Variants in FBXL17 observed in about 807,000 individuals in gnomAD.
The protein encoded by FBXL17 is F-box/LRR-repeat protein 17.
A neutral mutation model predicts 66.2 loss-of-function variants in FBXL17; 22 were observed. The observed-to-expected ratio is 0.33, with a 90% CI of 0.24 to 0.47. The LOEUF (loss-of-function observed/expected upper bound fraction) is 0.47, where lower values mean the gene tolerates loss of function less well. Ranked by LOEUF, FBXL17 falls within the 20% of genes least tolerant of loss-of-function variation. The pLI is 1.00. For synonymous variants in FBXL17, 474 were observed against 400.5 expected, an observed-to-expected ratio of 1.18 and a Z score of -2.19; for missense variants, 878 against 948.2, an observed-to-expected ratio of 0.93 and a Z score of 0.97.
At chr5:108,183,001 A>C (rs990792144) in intron 6 of FBXL17, among the ~76,000 whole-genome samples, 1 of 151,564 alleles carries the variant, frequency 6.6e-6, no homozygotes, top group African/African-American at 2.4e-5. Flanking sequence ...ATTGTTGTGG[A>C]ATATAATCAC....
chr5:108,281,812 CACA>C (rs1757712848), intron 4 of FBXL17, among the ~76,000 whole-genome samples: 1 of 151,402 alleles, frequency 6.6e-6, no homozygotes, highest in Non-Finnish European at 1.5e-5. Context: ...AGAAAGAAGA[CACA>C]ACATCAGAAA....
At chr5:108,315,118 AGAC>A (rs1461158025) in intron 4 of FBXL17, among the ~76,000 whole-genome samples, 1 of 151,172 alleles carries the variant, frequency 6.6e-6, no homozygotes, top group Non-Finnish European at 1.5e-5. Flanking sequence ...TAGAAAATAA[AGAC>A]AATCAAAACT....
In FBXL17 at chr5:108,301,769, C is replaced by T. The variant is rs554685073; in HGVS notation, c.1506+46630G>A. ...AGAGACAGGATTTTTCCATTTAGGA[C>T]AACCATCAAAAATTTAGAATCCAAA... is the stretch of plus-strand genomic sequence containing the variant. On this transcript the variant is annotated intron_variant, in intron 4 of 8. Coordinates refer to ENST00000542267, the MANE Select transcript of FBXL17 (RefSeq NM_001163315.3). 3.3e-5 allele frequency among the ~76,000 whole-genome samples: 5 copies of T among 151,488 alleles called. No individual in the cohort carries two copies. In the South Asian group the frequency reaches 8.4e-4, roughly 25 times the overall value.
At chr5:108,337,228 C>G (rs1406869275) in intron 4 of FBXL17, among the ~76,000 whole-genome samples, 2 of 150,936 alleles carry the variant, frequency 1.3e-5, no homozygotes, top group Non-Finnish European at 2.9e-5. Flanking sequence ...TGCACTCCAG[C>G]CTGGGTGACA....
intron 7 of FBXL17, among the ~76,000 whole-genome samples, chr5:107,928,673 A>G (rs569358466): frequency 6.6e-6 from 1 of 152,206 alleles, no homozygotes; most frequent in Admixed American, 6.6e-5. Context: ...TTGATGAGAA[A>G]GAGGTAGTGG....
chr5:108,183,826 T>A (rs1404090588), intron 6 of FBXL17, among the ~76,000 whole-genome samples: 1 of 152,208 alleles, frequency 6.6e-6, no homozygotes, highest in Non-Finnish European at 1.5e-5. Flanking sequence ...ATTTGGTTTT[T>A]GATTCCTGAG....
chr5:107,909,752 G>A (rs1749888282), intron 7 of FBXL17, among the ~76,000 whole-genome samples: 1 of 152,126 alleles, frequency 6.6e-6, no homozygotes, highest in Admixed American at 6.6e-5. Context: ...GACAAGAGAG[G>A]TGAGCAGAAG....
At chr5:107,889,631 C>T (rs528100049) in intron 7 of FBXL17, among the ~76,000 whole-genome samples, 46 of 152,300 alleles carry the variant, frequency 3.0e-4, no homozygotes, top group African/African-American at 1.1e-3. Context: ...AGAGGCTCTC[C>T]TGCCCTGTAA....
intron 6 of FBXL17, among the ~76,000 whole-genome samples, chr5:108,158,281 T>G (rs188063495): frequency 4.5e-4 from 68 of 152,224 alleles, no homozygotes; most frequent in African/African-American, 1.5e-3. Context: ...CAACAACGAA[T>G]TAGAAAACAC....
intron 2 of FBXL17, among the ~76,000 whole-genome samples, chr5:108,366,585 G>A (rs761706496): frequency 2.8e-4 from 43 of 151,744 alleles, no homozygotes; most frequent in Admixed American, 2.4e-3. Flanking sequence ...GGGTTTGGGT[G>A]GGGGAGGAAG....
chr5:108,298,326 G>A (rs1018794933), intron 4 of FBXL17: 1 of 983,950 alleles, frequency 1.0e-6, no homozygotes, highest in Non-Finnish European at 1.2e-6. Context: ...AGAAAGCACT[G>A]AGAAAAATCG....
At chr5:108,324,507 C>T (rs1032432050) in intron 4 of FBXL17, among the ~76,000 whole-genome samples, 2 of 151,874 alleles carry the variant, frequency 1.3e-5, no homozygotes, top group Admixed American at 6.6e-5. Flanking sequence ...AATGGTGCGA[C>T]CACTATGTAA....
At chr5:108,205,067 G>A in intron 5 of FBXL17, among the ~76,000 whole-genome samples, 1 of 146,810 alleles carries the variant, frequency 6.8e-6, no homozygotes, top group East Asian at 2.0e-4. Flanking sequence ...GTGCCACCAT[G>A]CCCAGCTAAT....
At chr5:108,020,593 T>C (rs1754555880) in intron 7 of FBXL17, among the ~76,000 whole-genome samples, 1 of 151,888 alleles carries the variant, frequency 6.6e-6, no homozygotes, top group Admixed American at 6.6e-5. Flanking sequence ...TTCTTAGTTA[T>C]ATTTATTATG....
chr5:108,171,000 C>T (rs1332702449), intron 6 of FBXL17, among the ~76,000 whole-genome samples: 1 of 151,992 alleles, frequency 6.6e-6, no homozygotes, highest in African/African-American at 2.4e-5. Flanking sequence ...CACGAAATAC[C>T]AAAACTATCT....
At chr5:108,310,058 T>A (rs1367121843) in intron 4 of FBXL17, among the ~76,000 whole-genome samples, 1 of 152,138 alleles carries the variant, frequency 6.6e-6, no homozygotes, top group Non-Finnish European at 1.5e-5. Context: ...TAAGGTTTTT[T>A]AAAGGCAGGT....
intron 7 of FBXL17, among the ~76,000 whole-genome samples, chr5:107,947,527 C>T (rs1751354309): frequency 6.6e-6 from 1 of 152,222 alleles, no homozygotes; most frequent in Non-Finnish European, 1.5e-5. Flanking sequence ...TCCCCCTTTT[C>T]TCACCTGCCA....
At chr5:108,020,121 A>T (rs1443545554) in intron 7 of FBXL17, among the ~76,000 whole-genome samples, 1 of 151,924 alleles carries the variant, frequency 6.6e-6, no homozygotes, top group Non-Finnish European at 1.5e-5. Flanking sequence ...ATGGATTATT[A>T]ACTTCCCTCA....
intron 7 of FBXL17, among the ~76,000 whole-genome samples, chr5:107,980,766 C>A (rs1430251165): frequency 4.1e-5 from 6 of 147,912 alleles, no homozygotes; most frequent in Non-Finnish European, 8.9e-5. Context: ...ATGCCATTCT[C>A]CTGCCTCAGC....
Sources: allele counts gnomAD v4.1 joint callset (sites outside exome capture counted in the v4.1 genomes callset), GRCh38; gene constraint gnomAD v4.1.1; transcripts MANE v1.5; gene names NCBI Gene and HGNC (gene_info 2026-07-23, HGNC 2026-07-21).